Variants in WDFY3 observed in about 807,000 individuals in gnomAD.
WDFY3 encodes the protein WD repeat and FYVE domain containing 3, also known as WD repeat and FYVE domain-containing protein 3.
WDFY3 carries 66 observed loss-of-function variants against 409.6 expected under a neutral mutation model. The ratio of observed to expected loss-of-function variants is 0.16; its 90% CI spans 0.13 to 0.20. The LOEUF (loss-of-function observed/expected upper bound fraction) is 0.20, where lower values mean the gene tolerates loss of function less well. Among genes scored for constraint, WDFY3 ranks in the 10% least tolerant of loss-of-function variants. WDFY3 has a pLI of 1.00. For synonymous variants in WDFY3, 1,521 were observed against 1,537.1 expected, an observed-to-expected ratio of 0.99 and a Z score of 0.25; for missense variants, 3,031 against 4,298.1, an observed-to-expected ratio of 0.71 and a Z score of 8.24.
chr4:84,715,158 T>C, intron 50 of WDFY3, 140 bp downstream of exon 50: 1 of 524,762 alleles, frequency 1.9e-6, no homozygotes, highest in Non-Finnish European at 3.4e-6. Context: ...TTCAAGAGGG[T>C]GGCAAAAATA....
rs1204940814 is a variant in WDFY3 at position 84,795,537 on chromosome 4, A to G, written c.3168-558T>C. On this transcript the variant is annotated intron_variant, in intron 19 of 67. Transcript: ENST00000295888. ...AGCACGTTGGGAGGCTAAGGTGGGC[A>G]GATCACTTGAGGTCGGGAGTTCGAG... 3.3e-5 allele frequency among the ~76,000 whole-genome samples: 5 copies of G among 152,308 alleles called. No individual in the cohort carries two copies. The East Asian group carries it at 7.7e-4, about 24-fold the overall frequency.
intron 1 of WDFY3, among the ~76,000 whole-genome samples, chr4:84,949,461 T>C (rs1773325640): frequency 6.6e-6 from 1 of 152,188 alleles, no homozygotes; most frequent in Non-Finnish European, 1.5e-5. Context: ...GATTATAGCA[T>C]ATTGAAAAGG....
intron 29 of WDFY3, among the ~76,000 whole-genome samples, chr4:84,773,320 C>T (rs1345637113): frequency 6.6e-6 from 1 of 152,062 alleles, no homozygotes; most frequent in Non-Finnish European, 1.5e-5. Context: ...TACAGTTCTT[C>T]GAAATATGAA....
intron 11 of WDFY3, 112 bp from the exon 12 acceptor site, chr4:84,820,298 T>C: frequency 2.6e-6 from 2 of 767,434 alleles, no homozygotes; most frequent in South Asian, 4.7e-5. Flanking sequence ...TTACCCCTAA[T>C]AGGACAGATA....
intron 13 of WDFY3, among the ~76,000 whole-genome samples, chr4:84,814,758 T>C (rs933366875): frequency 4.6e-5 from 7 of 152,192 alleles, no homozygotes; most frequent in Admixed American, 3.9e-4. Context: ...TTATTGGTTA[T>C]TGTTGTTAAT....
chr4:84,672,018 T>G lies in WDFY3; in HGVS notation c.*850A>C, dbSNP rs1293886088. 6.6e-6 allele frequency: 1 copy of G among 152,238 alleles called. No individual in the cohort carries two copies. The highest frequency in any genetic ancestry group is 1.9e-4 in the East Asian group (1 of 5,196). The allele number at this position is 152,238 out of a possible 1,614,324, so 9.4% of individuals were successfully genotyped here. A position where few individuals can be genotyped will look rare whatever the true frequency, so the allele number is the denominator to read the frequency against. On this transcript the variant is annotated 3_prime_UTR_variant, in exon 68 of 68. Coordinates refer to ENST00000295888, the MANE Select transcript of WDFY3 (RefSeq NM_014991.6). Reference sequence around the variant, plus strand: ...TTTCTGCAATGCTAAGAAGGTATTCTTTGACCAAACAGCAGTCCACATACA... The same window carrying G: ...TTTCTGCAATGCTAAGAAGGTATTCGTTGACCAAACAGCAGTCCACATACA...
chr4:84,812,017 T>C (rs932337012), intron 13 of WDFY3, among the ~76,000 whole-genome samples: 8 of 152,190 alleles, frequency 5.3e-5, no homozygotes, highest in African/African-American at 1.7e-4. Context: ...TCAAAAAGAT[T>C]GCAGCATTTT....
intron 2 of WDFY3, among the ~76,000 whole-genome samples, chr4:84,918,815 G>GTA (rs759569387): frequency 0.04 from 5,497 of 138,398 alleles, 149 homozygotes; most frequent in Non-Finnish European, 0.058. Context: ...GTGTGTGTGT[G>GTA]TATATATATA....
intron 64 of WDFY3, among the ~76,000 whole-genome samples, chr4:84,681,884 C>T (rs1465544355): frequency 6.6e-6 from 1 of 152,148 alleles, no homozygotes; most frequent in Non-Finnish European, 1.5e-5. Context: ...TATAGGTAAC[C>T]AGGCTTCAGT....
intron 36 of WDFY3, among the ~76,000 whole-genome samples, chr4:84,749,610 C>T (rs1018687174): frequency 2.0e-5 from 3 of 152,146 alleles, no homozygotes; most frequent in Admixed American, 1.3e-4. Context: ...TTTTGTTACA[C>T]ATCATTTTGC....
At chr4:84,904,697 A>G (rs1195237667) in intron 2 of WDFY3, among the ~76,000 whole-genome samples, 1 of 152,188 alleles carries the variant, frequency 6.6e-6, no homozygotes, top group Non-Finnish European at 1.5e-5. Flanking sequence ...TAAAAGGTAG[A>G]GTTTCTAGGG....
intron 24 of WDFY3, 22 bp from the exon 25 acceptor site, chr4:84,783,096 GA>G (rs1560748977): frequency 6.3e-7 from 1 of 1,592,810 alleles, no homozygotes; most frequent in South Asian, 1.1e-5. Flanking sequence ...GAAAGGAAAA[GA>G]ATGTAATTAT....
At position 84,771,099 on chromosome 4, in the gene WDFY3, A is replaced by G. The variant is rs146548578; in HGVS notation, c.4849+1736T>C. Among the ~76,000 whole-genome samples, 1,108 of 152,304 alleles carry G rather than the reference A, an allele frequency of 7.3e-3. 5 individuals carry two copies. The highest frequency in any genetic ancestry group is 0.031 in the Middle Eastern group (9 of 294). On this transcript the variant is annotated intron_variant, in intron 30 of 67. Coordinates refer to ENST00000295888, the MANE Select transcript of WDFY3 (RefSeq NM_014991.6). ...ATGGTTACTGAATTCAATGGACAGC[A>G]AATAAATATGGAAACCAGATAAATA... is the stretch of plus-strand genomic sequence containing the variant.
chr4:84,781,830 A>C (rs1384047530), intron 25 of WDFY3, among the ~76,000 whole-genome samples: 1 of 152,158 alleles, frequency 6.6e-6, no homozygotes, highest in Admixed American at 6.5e-5. Flanking sequence ...CACGTGCTTT[A>C]GAGTAAAGAA....
intron 39 of WDFY3, 147 bp from the exon 40 acceptor site, chr4:84,739,266 G>C: frequency 1.4e-6 from 1 of 711,956 alleles, no homozygotes; most frequent in Non-Finnish European, 2.3e-6. Flanking sequence ...TTGCCAGGAA[G>C]ATGCCATTTT....
intron 33 of WDFY3, 33 bp from the exon 34 acceptor site, chr4:84,755,433 C>T (rs975925277): frequency 6.4e-7 from 1 of 1,574,594 alleles, no homozygotes; most frequent in Non-Finnish European, 8.6e-7. Flanking sequence ...ATATTAGCCA[C>T]CACTAATTTT....
In WDFY3 at chr4:84,669,690, AG is replaced by A; in HGVS notation, c.*3177del. The A allele has an allele frequency of 6.8e-6, 1 of 147,806 alleles. No homozygotes were observed. The highest frequency in any genetic ancestry group is 2.0e-4 in the East Asian group (1 of 5,076). The allele number at this position is 147,806 out of a possible 1,614,324, so 9.2% of individuals were successfully genotyped here. A position where few individuals can be genotyped will look rare whatever the true frequency, so the allele number is the denominator to read the frequency against. On this transcript the variant is annotated 3_prime_UTR_variant, in exon 68 of 68. Coordinates refer to ENST00000295888, the MANE Select transcript of WDFY3 (RefSeq NM_014991.6). ...TATACAATGAACATTCAGATATCAC[AG>A]ACTGCACACTAGATAGTAATTCTTC...
chr4:84,739,244 C>A (rs1245751757), intron 39 of WDFY3, 125 bp from the exon 40 acceptor site: 2 of 914,324 alleles, frequency 2.2e-6, no homozygotes, highest in African/African-American at 3.3e-5. Flanking sequence ...ATGCACAGAA[C>A]AGAATTCTAG....
At chr4:84,921,472 C>T (rs968888190) in intron 2 of WDFY3, among the ~76,000 whole-genome samples, 1 of 151,846 alleles carries the variant, frequency 6.6e-6, no homozygotes, top group Non-Finnish European at 1.5e-5. Context: ...AATTAACTAA[C>T]CCTCTCTCAA....
Sources: gnomAD v4.1 joint callset for allele counts (sites outside exome capture counted in the v4.1 genomes callset) on GRCh38, gnomAD v4.1.1 for gene constraint, MANE v1.5 for transcripts, NCBI Gene and HGNC (gene_info 2026-07-23, HGNC 2026-07-21) for gene names.